Variants in CDK19 observed in about 807,000 individuals in gnomAD.
The protein encoded by CDK19 is cyclin dependent kinase 19, also known as cyclin-dependent kinase 19.
In CDK19, 20 loss-of-function variants were observed where a neutral mutation model predicts 68.3. The observed-to-expected ratio is 0.29, with a 90% CI of 0.21 to 0.43. The LOEUF (loss-of-function observed/expected upper bound fraction) is 0.43, where lower values mean the gene tolerates loss of function less well. Ranked by LOEUF, CDK19 falls within the 20% of genes least tolerant of loss-of-function variation. The pLI, the probability that CDK19 is intolerant of heterozygous loss-of-function variation, is 1.00. For missense variants in CDK19, 339 were observed against 623.5 expected, an observed-to-expected ratio of 0.54 and a Z score of 4.86; for synonymous variants, 221 against 222.8, an observed-to-expected ratio of 0.99 and a Z score of 0.07.
At position 110,815,144 on chromosome 6, in the gene CDK19, T is replaced by C. The variant is rs1049244242; in HGVS notation, c.-8A>G. 1.3e-6 allele frequency: 2 copies of C among 1,587,836 alleles called. No individual in the cohort carries two copies. Among genetic ancestry groups the C allele is most frequent in the Non-Finnish European group, 1.7e-6 (2 of 1,168,682 alleles). Reference sequence around the variant, plus strand: ...CTTGAAATCATAATCCATTGTCTGCTTCCCCCATAGAGGCACGGGACGCGG... The same window carrying C: ...CTTGAAATCATAATCCATTGTCTGCCTCCCCCATAGAGGCACGGGACGCGG... On this transcript the variant is annotated 5_prime_UTR_variant, in exon 1 of 13. Coordinates refer to ENST00000368911, the MANE Select transcript of CDK19 (RefSeq NM_015076.5).
chr6:110,695,716 C>T (rs895813773), intron 2 of CDK19, among the ~76,000 whole-genome samples: 1 of 152,000 alleles, frequency 6.6e-6, no homozygotes. Flanking sequence ...ACTATGAACA[C>T]CTTTATGCGC....
intron 4 of CDK19, chr6:110,646,299 G>A (rs1780569761): frequency 6.7e-7 from 1 of 1,502,486 alleles, no homozygotes; most frequent in South Asian, 1.3e-5. Context: ...CAAGCACAAG[G>A]TGCTCAGCGA....
At chr6:110,781,861 T>C (rs1299564187) in intron 1 of CDK19, among the ~76,000 whole-genome samples, 1 of 151,514 alleles carries the variant, frequency 6.6e-6, no homozygotes, top group Non-Finnish European at 1.5e-5. Context: ...AAAAAACCTA[T>C]TCAGAGATAC....
chr6:110,749,937 A>G lies in CDK19; in HGVS notation c.129-3736T>C, dbSNP rs1188193476. Among the ~76,000 whole-genome samples, 3 of 142,812 alleles carry G rather than the reference A, an allele frequency of 2.1e-5. 1 individual carries two copies. The highest frequency in any genetic ancestry group is 7.7e-5 in the African/African-American group (3 of 38,956). The allele number at this position is 142,812 out of a possible 152,430, so 93.7% of individuals were successfully genotyped here. ...CAGGTGCCCGCCACCACACCCAGAT[A>G]ATTTTTGTATTTTTAGTAGAGATGG... On this transcript the variant is annotated intron_variant, in intron 1 of 12. Coordinates refer to ENST00000368911, the MANE Select transcript of CDK19 (RefSeq NM_015076.5).
chr6:110,754,099 G>C lies in CDK19; in HGVS notation c.129-7898C>G, dbSNP rs558866469. ...GGTTGGAGTGCAGTGGTGTAATCACGGCTCACTGCAGCCTCAACCTCCCAG... is the reference window on the plus strand; with the variant it reads ...GGTTGGAGTGCAGTGGTGTAATCACCGCTCACTGCAGCCTCAACCTCCCAG... On this transcript the variant is annotated intron_variant, in intron 1 of 12. Coordinates refer to ENST00000368911, the MANE Select transcript of CDK19 (RefSeq NM_015076.5). 2.7e-5 allele frequency among the ~76,000 whole-genome samples: 4 copies of C among 149,900 alleles called. No homozygotes were observed. In the South Asian group the frequency reaches 8.5e-4, roughly 32 times the overall value.
At chr6:110,704,384 C>T (rs979778970) in intron 2 of CDK19, among the ~76,000 whole-genome samples, 1 of 152,110 alleles carries the variant, frequency 6.6e-6, no homozygotes, top group Admixed American at 6.6e-5. Context: ...ACTTACCTTA[C>T]ATTATCTTTT....
chr6:110,620,934 T>C (rs1463366027), intron 12 of CDK19, among the ~76,000 whole-genome samples, 170 bp downstream of exon 12: 1 of 152,216 alleles, frequency 6.6e-6, no homozygotes. Context: ...ATACGAGATA[T>C]CTTACAATTA....
intron 2 of CDK19, among the ~76,000 whole-genome samples, chr6:110,713,768 G>C (rs1775153305): frequency 6.6e-6 from 1 of 152,060 alleles, no homozygotes; most frequent in African/African-American, 2.4e-5. Context: ...TGTAATCCTA[G>C]CATTTGGGAG....
chr6:110,693,571 A>G (rs1209235746), intron 2 of CDK19, among the ~76,000 whole-genome samples: 1 of 152,214 alleles, frequency 6.6e-6, no homozygotes, highest in Non-Finnish European at 1.5e-5. Flanking sequence ...GGGGCACAAC[A>G]GGAATGAGGT....
intron 4 of CDK19, among the ~76,000 whole-genome samples, chr6:110,650,126 C>A (rs1780872023): frequency 6.6e-6 from 1 of 152,074 alleles, no homozygotes; most frequent in African/African-American, 2.4e-5. Context: ...GAAAAGAAAG[C>A]AAGATTTAAG....
chr6:110,797,149 G>A (rs12204696), intron 1 of CDK19, among the ~76,000 whole-genome samples: 7,211 of 151,956 alleles, frequency 0.047, 182 homozygotes, highest in Middle Eastern at 0.079. Context: ...AGATCAGCCT[G>A]GCCAAGATAG....
intron 1 of CDK19, among the ~76,000 whole-genome samples, chr6:110,754,110 G>A (rs1031853197): frequency 6.6e-6 from 1 of 150,434 alleles, no homozygotes; most frequent in Non-Finnish European, 1.5e-5. Context: ...GCTCACTGCA[G>A]CCTCAACCTC....
At chr6:110,685,576 A>G (rs1772405260) in intron 2 of CDK19, among the ~76,000 whole-genome samples, 1 of 152,224 alleles carries the variant, frequency 6.6e-6, no homozygotes, top group African/African-American at 2.4e-5. Context: ...TAGATTTTCA[A>G]CAAATGTTGG....
chr6:110,690,351 G>C (rs1184313366), intron 2 of CDK19, among the ~76,000 whole-genome samples: 3 of 152,176 alleles, frequency 2.0e-5, no homozygotes, highest in East Asian at 3.9e-4. Flanking sequence ...TCAGAAGTGG[G>C]TCTAGGAGAT....
intron 1 of CDK19, among the ~76,000 whole-genome samples, chr6:110,751,260 G>A (rs1778456853): frequency 6.6e-6 from 1 of 152,136 alleles, no homozygotes; most frequent in Non-Finnish European, 1.5e-5. Flanking sequence ...AGCAAGCAAT[G>A]CTTCATCTGT....
At chr6:110,803,205 G>A (rs948980240) in intron 1 of CDK19, among the ~76,000 whole-genome samples, 7 of 151,928 alleles carry the variant, frequency 4.6e-5, no homozygotes, top group Admixed American at 1.3e-4. Context: ...TCAGCCTCCT[G>A]AGTAGCTGGG....
At chr6:110,760,332 G>A (rs1312509501) in intron 1 of CDK19, among the ~76,000 whole-genome samples, 3 of 134,952 alleles carry the variant, frequency 2.2e-5, no homozygotes, top group Non-Finnish European at 4.6e-5. Flanking sequence ...GAGAGGTGGA[G>A]TTTGCAGAGA....
intron 1 of CDK19, among the ~76,000 whole-genome samples, chr6:110,797,319 G>A (rs952014815): frequency 2.6e-5 from 4 of 151,806 alleles, no homozygotes; most frequent in African/African-American, 9.7e-5. Flanking sequence ...CAGCCTAGGC[G>A]ACAGAGGGAG....
chr6:110,784,818 C>A (rs1781083420), intron 1 of CDK19, among the ~76,000 whole-genome samples: 1 of 151,716 alleles, frequency 6.6e-6, no homozygotes, highest in South Asian at 2.1e-4. Context: ...ATACATGCTA[C>A]AATATGAGTG....
Sources: allele counts gnomAD v4.1 joint callset (sites outside exome capture counted in the v4.1 genomes callset), GRCh38; gene constraint gnomAD v4.1.1; transcripts MANE v1.5; gene names NCBI Gene and HGNC (gene_info 2026-07-23, HGNC 2026-07-21).